The following BBOX1 variants were observed in gnomAD, a reference collection of about 807,000 sequenced individuals.
The protein encoded by BBOX1 is gamma-butyrobetaine dioxygenase.
In BBOX1, 35 loss-of-function variants were observed where a neutral mutation model predicts 41.6. The observed-to-expected ratio is 0.84, with a 90% CI of 0.64 to 1.11. The LOEUF is 1.11. Ranked by LOEUF, BBOX1 falls within the 50% of genes most tolerant of loss-of-function variation. The pLI is 0.00. For missense variants in BBOX1, 458 were observed against 460.6 expected (o/e 0.99, Z 0.05); for synonymous variants, 163 against 154.7 (o/e 1.05, Z -0.40).
intron 6 of BBOX1, among the ~76,000 whole-genome samples, chr11:27,116,778 A>G (rs1220587180): frequency 6.6e-6 from 1 of 152,022 alleles, no homozygotes; most frequent in Non-Finnish European, 1.5e-5. Context: ...CTGCAATGTT[A>G]TATTGGTCTA....
chr11:27,069,457 C>T (rs190817486), intron 4 of BBOX1, among the ~76,000 whole-genome samples: 2 of 152,020 alleles, frequency 1.3e-5, no homozygotes, highest in African/African-American at 4.8e-5. Flanking sequence ...CTTATGAAAT[C>T]TAGAAGTCTT....
At chr11:27,053,328 A>G (rs1392079806) in intron 2 of BBOX1, among the ~76,000 whole-genome samples, 1 of 152,232 alleles carries the variant, frequency 6.6e-6, no homozygotes, top group African/African-American at 2.4e-5. Flanking sequence ...AAACTTAGAT[A>G]ACTTGATCAA....
chr11:27,076,857 A>C (rs763749713), intron 4 of BBOX1, among the ~76,000 whole-genome samples: 5 of 152,168 alleles, frequency 3.3e-5, no homozygotes, highest in Non-Finnish European at 7.4e-5. Context: ...GGGGAGTAGC[A>C]GGTGGCAATA....
chr11:27,125,694 AACG>A lies in BBOX1; in HGVS notation c.878_880del (p.Asn293_Ala294delinsThr). ...CCAAGTGGTTCGCATCAACTTCAAT[AACG>A]CAACTAGGGACACAATATTTGATGT... On this transcript the variant is annotated inframe_deletion, in exon 8 of 9. Coordinates refer to ENST00000263182, the MANE Select transcript of BBOX1 (RefSeq NM_003986.3). 2 of 1,602,656 alleles carry A rather than the reference AACG, an allele frequency of 1.2e-6. No individual in the cohort carries two copies. Among genetic ancestry groups the A allele is most frequent in the Non-Finnish European group, 1.7e-6 (2 of 1,173,846 alleles).
At chr11:27,106,846 C>A (rs975083877) in intron 5 of BBOX1, among the ~76,000 whole-genome samples, 2 of 152,094 alleles carry the variant, frequency 1.3e-5, no homozygotes, top group African/African-American at 4.8e-5. Flanking sequence ...AAGTAAAGCA[C>A]CCCTCAGCAA....
chr11:27,043,913 C>T (rs549312493), intron 2 of BBOX1, among the ~76,000 whole-genome samples: 33 of 152,104 alleles, frequency 2.2e-4, no homozygotes, highest in South Asian at 1.9e-3. Context: ...TACATGTGCA[C>T]GTGTCTTTAT....
intron 5 of BBOX1, among the ~76,000 whole-genome samples, chr11:27,099,903 G>A (rs1428253670): frequency 6.6e-6 from 1 of 152,104 alleles, no homozygotes; most frequent in African/African-American, 2.4e-5. Context: ...CTTGCAGGCA[G>A]GCTTCATTGG....
At chr11:27,044,541 T>C (rs1564948879) in intron 2 of BBOX1, among the ~76,000 whole-genome samples, 1 of 152,178 alleles carries the variant, frequency 6.6e-6, no homozygotes, top group African/African-American at 2.4e-5. Flanking sequence ...TGCCTAGGTT[T>C]TCTTCTAGGG....
intron 4 of BBOX1, among the ~76,000 whole-genome samples, chr11:27,069,743 G>C (rs557767096): frequency 5.3e-5 from 8 of 152,132 alleles, no homozygotes; most frequent in African/African-American, 1.9e-4. Context: ...TCTCCATTCA[G>C]TATGATGTTG....
At chr11:27,057,734 T>C (rs1390139255) in intron 4 of BBOX1, among the ~76,000 whole-genome samples, 1 of 152,110 alleles carries the variant, frequency 6.6e-6, no homozygotes, top group African/African-American at 2.4e-5. Flanking sequence ...GATGGAATTA[T>C]GGGATTGATG....
chr11:27,095,238 C>T (rs888550189), intron 5 of BBOX1, among the ~76,000 whole-genome samples: 9 of 152,052 alleles, frequency 5.9e-5, no homozygotes, highest in African/African-American at 2.2e-4. Context: ...TTGCTGACAA[C>T]AAACTTTTTG....
chr11:27,047,804 C>T (rs1445329), intron 2 of BBOX1, among the ~76,000 whole-genome samples: 79,783 of 151,586 alleles, frequency 0.53, 21,336 homozygotes, highest in African/African-American at 0.63. Flanking sequence ...AGTTATTATA[C>T]ATAAAGAACT....
chr11:27,045,710 T>C (rs1192623344), intron 2 of BBOX1, among the ~76,000 whole-genome samples: 1 of 152,152 alleles, frequency 6.6e-6, no homozygotes, highest in Non-Finnish European at 1.5e-5. Context: ...ATACTGACGT[T>C]TGCTAACATA....
At chr11:27,094,003 A>T (rs1858344831) in intron 5 of BBOX1, among the ~76,000 whole-genome samples, 1 of 152,026 alleles carries the variant, frequency 6.6e-6, no homozygotes, top group Non-Finnish European at 1.5e-5. Flanking sequence ...CTTTATGTTA[A>T]AGTTCATTAA....
chr11:27,055,248 G>A (rs1252828258), intron 2 of BBOX1, 145 bp from the exon 3 acceptor site: 1 of 556,648 alleles, frequency 1.8e-6, no homozygotes, highest in Non-Finnish European at 3.2e-6. Context: ...CCAGAACAAA[G>A]GTCCCAGCGT....
intron 4 of BBOX1, among the ~76,000 whole-genome samples, chr11:27,061,005 A>AT (rs1385229496): frequency 6.6e-6 from 1 of 152,082 alleles, no homozygotes; most frequent in African/African-American, 2.4e-5. Context: ...TCACAAATGT[A>AT]TTTTTTTAAA....
chr11:27,114,814 T>C (rs1859197561), intron 5 of BBOX1, among the ~76,000 whole-genome samples: 1 of 151,864 alleles, frequency 6.6e-6, no homozygotes, highest in Non-Finnish European at 1.5e-5. Flanking sequence ...AACATAGAGG[T>C]AAATCTTCAT....
intron 2 of BBOX1, among the ~76,000 whole-genome samples, chr11:27,043,418 C>G (rs4923413): frequency 0.83 from 125,195 of 150,008 alleles, 52,770 homozygotes; most frequent in African/African-American, 0.92. Flanking sequence ...AGAATGTGCA[C>G]GTTTGGGGTA....
intron 7 of BBOX1, among the ~76,000 whole-genome samples, chr11:27,124,190 G>A (rs563149678): frequency 2.6e-5 from 4 of 152,266 alleles, no homozygotes; most frequent in Admixed American, 2.6e-4. Context: ...ATGTGTGTTT[G>A]GTCTGACCGA....
Sources: allele counts gnomAD v4.1 joint callset (sites outside exome capture counted in the v4.1 genomes callset), GRCh38; gene constraint gnomAD v4.1.1; transcripts MANE v1.5; gene names NCBI Gene and HGNC (gene_info 2026-07-23, HGNC 2026-07-21).